Variants in CAPN9 observed in about 807,000 individuals in gnomAD.
CAPN9 encodes calpain-9.
In CAPN9, 81 loss-of-function variants were observed where a neutral mutation model predicts 92.8. That is an observed-to-expected ratio of 0.87 (90% CI 0.73 to 1.05). CAPN9 has a LOEUF of 1.05. CAPN9 is among the 50% of genes least tolerant of loss of function. CAPN9 has a pLI of 0.00. For missense variants in CAPN9, 848 were observed against 866.2 expected, an observed-to-expected ratio of 0.98 and a Z score of 0.26; for synonymous variants, 304 against 328.0, an observed-to-expected ratio of 0.93 and a Z score of 0.79.
At chr1:230,798,451 G>A (rs1246020894) in intron 19 of CAPN9, among the ~76,000 whole-genome samples, 1 of 152,232 alleles carries the variant, frequency 6.6e-6, no homozygotes, top group East Asian at 1.9e-4. Context: ...TTTGCAGGGT[G>A]GAAACTGAGG....
rs567570398 is a variant in CAPN9, at chr1:230,755,311, G to C, written c.214-26G>C. On this transcript the variant is annotated intron_variant, in intron 1 of 19. Transcript: ENST00000271971. ...GTGGCTTGCAGCATGGCAGGCCTCA[G>C]CCTAATAACACTCTCATTCCTCCAG... 1.3e-4 allele frequency: 202 copies of C among 1,595,382 alleles called. 1 individual carries two copies. In the South Asian group the frequency reaches 2.0e-3, roughly 16 times the overall value.
intron 5 of CAPN9, among the ~76,000 whole-genome samples, chr1:230,768,773 T>C (rs868483739): frequency 6.6e-6 from 1 of 152,214 alleles, no homozygotes; most frequent in South Asian, 2.1e-4. Flanking sequence ...TTTTTGCTAA[T>C]GAATTAGCCA....
intron 18 of CAPN9, chr1:230,795,525 T>A (rs1163804304): frequency 4.6e-6 from 2 of 431,794 alleles, no homozygotes; most frequent in Non-Finnish European, 8.6e-6. Context: ...GGGAGGATGA[T>A]GGGCTGGGGC....
chr1:230,798,372 A>G, intron 19 of CAPN9, 152 bp downstream of exon 19: 1 of 613,870 alleles, frequency 1.6e-6, no homozygotes, highest in South Asian at 2.0e-5. Flanking sequence ...TTTTTGAGAT[A>G]CTATTTATCA....
chr1:230,751,629 A>AAAGAAAGAAAG (rs1664818447), intron 1 of CAPN9, among the ~76,000 whole-genome samples: 1 of 84,606 alleles, frequency 1.2e-5, no homozygotes, highest in Admixed American at 1.1e-4. Context: ...GAAAGAAAGA[A>AAAGAAAGAAAG]AGAAAGAAAG....
rs372861095 is a variant in CAPN9 at position 230,801,606 on chromosome 1, G to A, written c.*10G>A. The A allele has an allele frequency of 7.4e-6, 12 of 1,612,444 alleles. No individual in the cohort carries two copies. In the African/African-American group the frequency reaches 1.6e-4, roughly 22 times the overall value. ...GACAATGAACATCTGAGGCTGCCTT[G>A]TAGAGATGCAGCCTGCCCAGCTGAA... On this transcript the variant is annotated 3_prime_UTR_variant, in exon 20 of 20. Coordinates refer to ENST00000271971, the MANE Select transcript of CAPN9 (RefSeq NM_006615.3).
Position 230,779,108 on chromosome 1 carries a change from G to C in CAPN9, c.1089G>C (p.Thr363=). 1 of 1,612,538 alleles carries C rather than the reference G, an allele frequency of 6.2e-7. No homozygotes were observed. Among genetic ancestry groups the C allele is most frequent in the Non-Finnish European group, 8.5e-7 (1 of 1,179,878 alleles). ...AGGGAAGCTGGGTTCGCGGCTCCAC[G>C]GCTGGGGGCTGCCGCAATTTCCTGG... ...VHQGSWVRGS[T]AGGCRNFLDT... The change falls in exon 9 of 20, where the codon ACG becomes ACC. Residue 363 remains threonine, a synonymous_variant. Transcript: ENST00000271971.
chr1:230,797,102 G>A (rs541054435), intron 18 of CAPN9, among the ~76,000 whole-genome samples: 24 of 152,304 alleles, frequency 1.6e-4, no homozygotes, highest in Non-Finnish European at 2.5e-4. Flanking sequence ...AAGAAATGCT[G>A]ATGACCAGGC....
rs765846394 is a variant in CAPN9 at position 230,778,968 on chromosome 1, T to A, written c.954-5T>A. 10 of 1,612,860 alleles carry A rather than the reference T, an allele frequency of 6.2e-6. No individual in the cohort carries two copies. The highest frequency in any genetic ancestry group is 8.5e-7 in the Non-Finnish European group (1 of 1,179,428). ...TGTGCATCGTGTCTCTCCGCTTTGC[T>A]GCAGGATGGCATTTAAGGACTTCAA... On this transcript the variant is annotated splice_polypyrimidine_tract_variant and splice_region_variant and intron_variant, in intron 8 of 19. Coordinates refer to ENST00000271971, the MANE Select transcript of CAPN9 (RefSeq NM_006615.3).
At chr1:230,755,465 C>A in intron 2 of CAPN9, 59 bp downstream of exon 2, 3 of 1,357,054 alleles carry the variant, frequency 2.2e-6, no homozygotes, top group Non-Finnish European at 3.1e-6. Flanking sequence ...GACAGGCAAG[C>A]AACTGCAGCA....
intron 13 of CAPN9, among the ~76,000 whole-genome samples, chr1:230,788,974 C>T (rs894373207): frequency 2.6e-5 from 4 of 152,194 alleles, no homozygotes; most frequent in African/African-American, 7.2e-5. Context: ...TGACTCATGT[C>T]CTGCTTTTCT....
chr1:230,782,966 G>A (rs1270011912), intron 11 of CAPN9, among the ~76,000 whole-genome samples: 2 of 152,250 alleles, frequency 1.3e-5, no homozygotes, highest in East Asian at 1.9e-4. Context: ...GCAGTGAGCC[G>A]AGATCATGCC....
At chr1:230,771,606 T>A (rs1420010663) in intron 6 of CAPN9, among the ~76,000 whole-genome samples, 1 of 152,242 alleles carries the variant, frequency 6.6e-6, no homozygotes, top group Non-Finnish European at 1.5e-5. Context: ...ATGAGCACCT[T>A]TGAGGACTAC....
intron 2 of CAPN9, among the ~76,000 whole-genome samples, chr1:230,759,189 A>G (rs932079285): frequency 2.0e-5 from 3 of 152,218 alleles, no homozygotes; most frequent in Admixed American, 6.5e-5. Flanking sequence ...ACACTGATGT[A>G]TGCAGTCTTG....
chr1:230,749,477 G>T (rs937478610), intron 1 of CAPN9, among the ~76,000 whole-genome samples: 1 of 152,202 alleles, frequency 6.6e-6, no homozygotes, highest in South Asian at 2.1e-4. Context: ...AGCTGCCCAG[G>T]CTGCAGGCTG....
intron 19 of CAPN9, among the ~76,000 whole-genome samples, chr1:230,800,052 C>T (rs565624147): frequency 2.2e-3 from 336 of 151,872 alleles, no homozygotes; most frequent in Middle Eastern, 3.4e-3. Flanking sequence ...GTGGCGGGCG[C>T]CTGTAGTCCC....
rs187155314 is a variant in CAPN9, at chr1:230,756,539, T to C, written c.283+1133T>C. On this transcript the variant is annotated intron_variant, in intron 2 of 19. Coordinates refer to ENST00000271971, the MANE Select transcript of CAPN9 (RefSeq NM_006615.3). Reference sequence around the variant, plus strand: ...TGGATGGATGGGTATAGATAGATGATGGATGATAGACGGAATTACAGTTGA... The same window carrying C: ...TGGATGGATGGGTATAGATAGATGACGGATGATAGACGGAATTACAGTTGA... 9.2e-5 allele frequency among the ~76,000 whole-genome samples: 14 copies of C among 152,254 alleles called. No homozygotes were observed. In the East Asian group the frequency reaches 2.5e-3, roughly 27 times the overall value.
intron 14 of CAPN9, among the ~76,000 whole-genome samples, chr1:230,790,806 C>T (rs1667930662): frequency 6.6e-6 from 1 of 152,054 alleles, no homozygotes; most frequent in African/African-American, 2.4e-5. Context: ...ACACAATCAG[C>T]CAGGTGTGGT....
chr1:230,780,077 TGTGC>T (rs1015444618), intron 9 of CAPN9, 98 bp from the exon 10 acceptor site: 108 of 748,864 alleles, frequency 1.4e-4, no homozygotes, highest in Non-Finnish European at 1.8e-4. Context: ...GATAGGTGTA[TGTGC>T]GTGTGTGTGT....
Sources: gnomAD v4.1 joint callset for allele counts (sites outside exome capture counted in the v4.1 genomes callset) on GRCh38, gnomAD v4.1.1 for gene constraint, MANE v1.5 for transcripts, NCBI Gene and HGNC (gene_info 2026-07-23, HGNC 2026-07-21) for gene names.